Variants in GCC2 observed in about 807,000 individuals in gnomAD.
GCC2 encodes the protein GRIP and coiled-coil domain-containing protein 2.
Under a neutral mutation model 210.6 loss-of-function variants are expected in GCC2, and 120 were observed. The ratio of observed to expected loss-of-function variants is 0.57; its 90% CI spans 0.49 to 0.66. The LOEUF (loss-of-function observed/expected upper bound fraction) is 0.66. GCC2 is among the 30% of genes least tolerant of loss of function. GCC2 has a pLI of 0.00. For missense variants in GCC2, 1,868 were observed against 1,871.9 expected, an observed-to-expected ratio of 1.00 and a Z score of 0.04; for synonymous variants, 703 against 652.7, an observed-to-expected ratio of 1.08 and a Z score of -1.17.
rs902186759 is a variant in GCC2 at position 108,490,332 on chromosome 2, AT to A, written c.4229+327del. On this transcript the variant is annotated intron_variant, in intron 18 of 22. Transcript: ENST00000309863. ...CCAACCCAAGTATCAAATCATAAGC[AT>A]TTTTTTTTCTAGAAGAAAACACCCA... 7.4e-4 allele frequency among the ~76,000 whole-genome samples: 112 copies of A among 151,538 alleles called. 1 individual carries two copies. Among genetic ancestry groups the A allele is most frequent in the African/African-American group, 2.4e-3 (100 of 41,336 alleles).
intron 18 of GCC2, among the ~76,000 whole-genome samples, chr2:108,492,141 G>GTT (rs200630743): frequency 5.0e-5 from 7 of 140,074 alleles, no homozygotes; most frequent in South Asian, 2.3e-4. Context: ...AGAGTGTGGG[G>GTT]TTTTTTTTTT....
intron 9 of GCC2, among the ~76,000 whole-genome samples, chr2:108,478,534 C>T (rs917766123): frequency 1.3e-5 from 2 of 152,070 alleles, no homozygotes; most frequent in Non-Finnish European, 2.9e-5. Context: ...CACAGGAGTC[C>T]TAGAGGGACA....
chr2:108,477,867 G>A (rs952430885), intron 9 of GCC2, among the ~76,000 whole-genome samples: 1 of 152,044 alleles, frequency 6.6e-6, no homozygotes, highest in African/African-American at 2.4e-5. Flanking sequence ...CCAACACAGC[G>A]AAACCCTGTC....
intron 4 of GCC2, among the ~76,000 whole-genome samples, chr2:108,456,451 T>G (rs1410017560): frequency 6.6e-6 from 1 of 152,232 alleles, no homozygotes; most frequent in African/African-American, 2.4e-5. Context: ...TGATTAGTGA[T>G]ATTGAGTATT....
chr2:108,484,112 T>A, intron 12 of GCC2, 37 bp from the exon 13 acceptor site: 1 of 1,429,932 alleles, frequency 7.0e-7, no homozygotes, highest in Non-Finnish European at 9.5e-7. Context: ...TGAACTGATC[T>A]ACTATTGTGT....
chr2:108,482,540 G>C, intron 11 of GCC2, 89 bp downstream of exon 11: 1 of 641,542 alleles, frequency 1.6e-6, no homozygotes, highest in South Asian at 2.1e-5. Context: ...ACTAAGAGTA[G>C]CATTTATGAA....
chr2:108,471,594 T>TA lies in GCC2; in HGVS notation c.2269dup (p.Thr757AsnfsTer8). The TA allele has an allele frequency of 6.2e-7, 1 of 1,612,552 alleles. No homozygotes were observed. The highest frequency in any genetic ancestry group is 8.5e-7 in the Non-Finnish European group (1 of 1,179,426). ...ATGAGCAAGTTCAGAAGTTATTTGT[T>TA]AAAACTCAGTTGTATGGTTTTCTTA... On this transcript the variant is annotated frameshift_variant, in exon 6 of 23. Coordinates refer to ENST00000309863, the MANE Select transcript of GCC2 (RefSeq NM_181453.4). LOFTEE classifies it high-confidence loss of function.
intron 4 of GCC2, among the ~76,000 whole-genome samples, chr2:108,464,127 T>C (rs1400373664): frequency 6.6e-6 from 1 of 152,006 alleles, no homozygotes. Flanking sequence ...ACCAGCAGAA[T>C]GTTCAGGTGG....
At chr2:108,485,335 GAAAA>G (rs950863654) in intron 13 of GCC2, among the ~76,000 whole-genome samples, 3 of 143,104 alleles carry the variant, frequency 2.1e-5, no homozygotes, top group South Asian at 2.2e-4. Flanking sequence ...AAAAAAAAAA[GAAAA>G]AAAAAAGATG....
intron 2 of GCC2, among the ~76,000 whole-genome samples, chr2:108,450,710 C>T (rs897770933): frequency 6.6e-6 from 1 of 152,124 alleles, no homozygotes; most frequent in East Asian, 1.9e-4. Context: ...GGTGAAACCC[C>T]GTCTCTACTA....
intron 19 of GCC2, chr2:108,493,798 T>C (rs953513674): frequency 2.0e-6 from 2 of 985,186 alleles, no homozygotes; most frequent in African/African-American, 3.5e-5. Context: ...ACAAAGGAAG[T>C]AATCAGCCAG....
rs2104493152 is a variant in GCC2 at position 108,489,859 on chromosome 2, T to G, written c.4074T>G (p.Ile1358Met). The change falls in exon 18 of 23, where the codon ATT (isoleucine) becomes ATG (methionine). Residue 1358 changes from isoleucine (I) to methionine (M), a missense_variant. Ile to Met is a conservative substitution (Grantham distance 10, BLOSUM62 1). Coordinates refer to ENST00000309863, the MANE Select transcript of GCC2 (RefSeq NM_181453.4). The part of the protein sequence containing the change: ...KQEREHLEML[I>M]DQLKIKLQDS... ...TTAGGGAACATCTGGAAATGCTGAT[T>G]GACCAGCTAAAAATCAAATTACAAG... 1 of 1,603,738 alleles carries G rather than the reference T, an allele frequency of 6.2e-7. No individual in the cohort carries two copies. Among genetic ancestry groups the G allele is most frequent in the Middle Eastern group, 1.7e-4 (1 of 6,034 alleles).
intron 22 of GCC2, among the ~76,000 whole-genome samples, chr2:108,501,321 T>A (rs1466470197): frequency 2.0e-5 from 3 of 152,066 alleles, no homozygotes; most frequent in Admixed American, 2.0e-4. Flanking sequence ...ATTATATATA[T>A]AAATATATTT....
chr2:108,483,038 GGTT>G (rs1354962679), intron 11 of GCC2, 21 bp from the exon 12 acceptor site: 1 of 1,216,014 alleles, frequency 8.2e-7, no homozygotes, highest in Admixed American at 1.7e-5. Context: ...GGGTGGTGTG[GGTT>G]GTTTTTATTT....
chr2:108,478,587 A>C (rs1406532964), intron 9 of GCC2, among the ~76,000 whole-genome samples: 1 of 152,238 alleles, frequency 6.6e-6, no homozygotes, highest in Admixed American at 6.5e-5. Context: ...TCTACCCTAC[A>C]TAAGGAAAGT....
Position 108,475,521 on chromosome 2 carries a change from T to C in GCC2, c.2861-14T>C. 8.0e-7 allele frequency: 1 copy of C among 1,254,908 alleles called. No homozygotes were observed. The highest frequency in any genetic ancestry group is 1.1e-6 in the Non-Finnish European group (1 of 903,716). The allele number at this position is 1,254,908 out of a possible 1,614,324, so 77.7% of individuals were successfully genotyped here. ...TTTGAGTTCGTATGTAATCCATTTA[T>C]TTTCTATTTTTAGAAAATCTGGAAA... On this transcript the variant is annotated splice_polypyrimidine_tract_variant and intron_variant, in intron 7 of 22. Coordinates refer to ENST00000309863, the MANE Select transcript of GCC2 (RefSeq NM_181453.4).
At position 108,492,863 on chromosome 2, in the gene GCC2, A is replaced by G. The variant is rs1047855288; in HGVS notation, c.4447+73A>G. ...TTGTCTCTTAAATACATTCTTCACA[A>G]ATTCATAAGAAAGAAAATTTACTAG... On this transcript the variant is annotated intron_variant, in intron 19 of 22. Coordinates refer to ENST00000309863, the MANE Select transcript of GCC2 (RefSeq NM_181453.4). The G allele has an allele frequency of 7.1e-6, 8 of 1,129,774 alleles. No homozygotes were observed. The Admixed American group carries it at 1.1e-4, about 16-fold the overall frequency. 70.0% of individuals were successfully genotyped at this position (1,129,774 alleles called of 1,614,324 possible).
At chr2:108,495,518 T>C (rs1682609913) in intron 20 of GCC2, 33 bp downstream of exon 20, 2 of 1,430,632 alleles carry the variant, frequency 1.4e-6, no homozygotes, top group Non-Finnish European at 1.9e-6. Flanking sequence ...GTTTTTCTTA[T>C]TTAATTTCAC....
intron 4 of GCC2, among the ~76,000 whole-genome samples, chr2:108,458,913 A>G (rs1336059610): frequency 2.0e-5 from 3 of 151,870 alleles, no homozygotes; most frequent in Non-Finnish European, 4.4e-5. Flanking sequence ...TCTCTATTTC[A>G]TTTAGTTCTG....
Sources: allele counts gnomAD v4.1 joint callset (sites outside exome capture counted in the v4.1 genomes callset), GRCh38; gene constraint gnomAD v4.1.1; transcripts MANE v1.5; gene names NCBI Gene and HGNC (gene_info 2026-07-23, HGNC 2026-07-21).